Variants in ADAP2 observed in about 807,000 individuals in gnomAD.
ADAP2 encodes arf-GAP with dual PH domain-containing protein 2.
In ADAP2, 42 loss-of-function variants were observed where a neutral mutation model predicts 54.9. The observed-to-expected ratio is 0.77, with a 90% CI of 0.60 to 0.99. The LOEUF (loss-of-function observed/expected upper bound fraction) is 0.99, where lower values mean the gene tolerates loss of function less well. Ranked by LOEUF, ADAP2 falls within the 50% of genes least tolerant of loss-of-function variation. The pLI is 0.00. For synonymous variants in ADAP2, 177 were observed against 180.1 expected (o/e 0.98, Z 0.14); for missense variants, 429 against 480.4 (o/e 0.89, Z 1.00).
chr17:30,925,422 C>T (rs1165393501), intron 2 of ADAP2, among the ~76,000 whole-genome samples: 2 of 151,830 alleles, frequency 1.3e-5, no homozygotes, highest in African/African-American at 4.8e-5. Flanking sequence ...AACACCTGAC[C>T]TGAGGTGATC....
Position 30,953,477 on chromosome 17 carries a change from C to T in ADAP2, c.804+127C>T, listed in dbSNP as rs913517574. 82 of 852,840 alleles carry T rather than the reference C, an allele frequency of 9.6e-5. No individual in the cohort carries two copies. The East Asian group carries it at 1.9e-3, about 20-fold the overall frequency. 52.8% of individuals were successfully genotyped at this position (852,840 alleles called of 1,614,324 possible). ...GGCCAAGCTTGTCCAACCCACAGCC[C>T]ATGGGCCACATGCAACCCAGGACGG... On this transcript the variant is annotated intron_variant, in intron 8 of 10. Transcript: ENST00000330889.
At chr17:30,951,783 G>A (rs1286770513) in intron 7 of ADAP2, among the ~76,000 whole-genome samples, 2 of 151,338 alleles carry the variant, frequency 1.3e-5, no homozygotes, top group Non-Finnish European at 2.9e-5. Context: ...AGCCTCCCGA[G>A]TAGCTGGGAC....
At position 30,923,048 on chromosome 17, in the gene ADAP2, T is replaced by A. The variant is rs746751935; in HGVS notation, c.203T>A (p.Phe68Tyr). Residue 68 changes from phenylalanine (F) to tyrosine (Y), a missense_variant, in exon 2 of 11, where the codon TTC becomes TAC. By Grantham distance (22) the Phe-to-Tyr change is conservative. Transcript: ENST00000330889. ...AGAGTTAAATCTGTGCGACTTGACT[T>A]CTGGGACGACAGTATTGTGGAGGTA... is the stretch of plus-strand genomic sequence containing the variant. The part of the protein sequence containing the change: ...ISRVKSVRLD[F>Y]WDDSIVEFMI... 1.2e-6 allele frequency: 2 copies of A among 1,613,902 alleles called. No homozygotes were observed. Among genetic ancestry groups the A allele is most frequent in the Non-Finnish European group, 8.5e-7 (1 of 1,179,964 alleles).
chr17:30,953,213 T>A lies in ADAP2; in HGVS notation c.742-75T>A, dbSNP rs1904806619. ...TTCCCCATTTCAAACTTCCCCTTTG[T>A]CGGGAGCCAAGCTCGGCGGGAACCT... On this transcript the variant is annotated intron_variant, in intron 7 of 10. Transcript: ENST00000330889. The A allele has an allele frequency of 7.7e-6, 11 of 1,432,448 alleles. No homozygotes were observed. In the South Asian group the frequency reaches 1.3e-4, roughly 16 times the overall value. The allele number at this position is 1,432,448 out of a possible 1,614,324, so 88.7% of individuals were successfully genotyped here.
chr17:30,951,654 C>CTTTTTTT (rs1053982493), intron 7 of ADAP2, among the ~76,000 whole-genome samples: 4 of 121,024 alleles, frequency 3.3e-5, no homozygotes, highest in Non-Finnish European at 6.9e-5. Flanking sequence ...CTTTTCTTTT[C>CTTTTTTT]TTTTTTTTTT....
intron 1 of ADAP2, 93 bp from the exon 2 acceptor site, chr17:30,922,847 A>G (rs1910739799): frequency 7.1e-7 from 1 of 1,411,100 alleles, no homozygotes; most frequent in African/African-American, 1.4e-5. Context: ...AGGTGGGAGA[A>G]GGGGCGCCCC....
intron 3 of ADAP2, among the ~76,000 whole-genome samples, chr17:30,930,966 T>A (rs1429644105): frequency 6.6e-6 from 1 of 152,040 alleles, no homozygotes; most frequent in Admixed American, 6.6e-5. Context: ...ACAATAGAGG[T>A]CTATTCCCCA....
At position 30,927,024 on chromosome 17, in the gene ADAP2, C is replaced by T. The variant is rs200829677; in HGVS notation, c.317+106C>T. 2.8e-5 allele frequency: 24 copies of T among 851,306 alleles called. No individual in the cohort carries two copies. In the East Asian group the frequency reaches 6.1e-4, roughly 22 times the overall value. The allele number at this position is 851,306 out of a possible 1,614,324, so 52.7% of individuals were successfully genotyped here. A position where few individuals can be genotyped will look rare whatever the true frequency, so the allele number is the denominator to read the frequency against. On this transcript the variant is annotated intron_variant, in intron 3 of 10. Transcript: ENST00000330889. Reference sequence around the variant, plus strand: ...CATCTGTGGTGGTCTCTTCTATGGGCCTGGTGCGCAGGTGGATCCAGGAAA... The same window carrying T: ...CATCTGTGGTGGTCTCTTCTATGGGTCTGGTGCGCAGGTGGATCCAGGAAA...
intron 6 of ADAP2, among the ~76,000 whole-genome samples, chr17:30,948,861 A>G (rs1904367149): frequency 6.6e-6 from 1 of 152,204 alleles, no homozygotes; most frequent in Admixed American, 6.5e-5. Flanking sequence ...TGCTCCTTAG[A>G]GTGCATTCCA....
At position 30,922,977 on chromosome 17, in the gene ADAP2, C is replaced by T. The variant is rs754397315; in HGVS notation, c.132C>T (p.Ile44=). The T allele has an allele frequency of 5.5e-5, 89 of 1,613,976 alleles. No homozygotes were observed. Among genetic ancestry groups the T allele is most frequent in the Non-Finnish European group, 7.5e-5 (88 of 1,180,002 alleles). Reference sequence around the variant, plus strand: ...CCTCTTACAAGCTGGGGATCTTCATCTGTCTCAACTGCTGCGGCGTCCACC... The same window carrying T: ...CCTCTTACAAGCTGGGGATCTTCATTTGTCTCAACTGCTGCGGCGTCCACC... The part of the protein sequence containing the change: ...DWASYKLGIF[I]CLNCCGVHRN... Residue 44 remains isoleucine, a synonymous_variant, in exon 2 of 11, where the codon ATC becomes ATT. Coordinates refer to ENST00000330889, the MANE Select transcript of ADAP2 (RefSeq NM_018404.3).
chr17:30,953,778 C>T (rs989434150), intron 8 of ADAP2, among the ~76,000 whole-genome samples: 2 of 152,148 alleles, frequency 1.3e-5, no homozygotes, highest in Non-Finnish European at 2.9e-5. Context: ...CTCAAGCGAT[C>T]TGCCCACCTC....
intron 10 of ADAP2, among the ~76,000 whole-genome samples, chr17:30,957,365 G>A (rs955698701): frequency 1.3e-5 from 2 of 150,724 alleles, no homozygotes; most frequent in South Asian, 4.2e-4. Context: ...TCCCTCTGAC[G>A]CCCTGGCTCT....
chr17:30,928,894 G>T (rs1019594396), intron 3 of ADAP2, among the ~76,000 whole-genome samples: 2 of 152,198 alleles, frequency 1.3e-5, no homozygotes, highest in African/African-American at 4.8e-5. Flanking sequence ...TAAATGGGGA[G>T]AAGGAATCCC....
chr17:30,932,013 C>T, intron 4 of ADAP2, 45 bp downstream of exon 4: 2 of 1,573,974 alleles, frequency 1.3e-6, no homozygotes. Flanking sequence ...TTTTAATGAG[C>T]TCTAGAAAAA....
intron 6 of ADAP2, among the ~76,000 whole-genome samples, chr17:30,946,810 A>C (rs1345700633): frequency 6.6e-6 from 1 of 152,164 alleles, no homozygotes; most frequent in Non-Finnish European, 1.5e-5. Context: ...CCCTGCACCC[A>C]CTTTACCTGC....
chr17:30,932,358 A>G (rs1911557501), intron 4 of ADAP2, among the ~76,000 whole-genome samples: 1 of 150,010 alleles, frequency 6.7e-6, no homozygotes, highest in Non-Finnish European at 1.5e-5. Context: ...TCAGCCTCCC[A>G]ACTAGCTGGG....
At chr17:30,950,375 C>CTCTATTG (rs1238801595) in intron 7 of ADAP2, among the ~76,000 whole-genome samples, 1 of 152,154 alleles carries the variant, frequency 6.6e-6, no homozygotes, top group Non-Finnish European at 1.5e-5. Flanking sequence ...AGCCAGGAAG[C>CTCTATTG]CTGGGCTCTC....
At chr17:30,930,219 G>T (rs1443434742) in intron 3 of ADAP2, among the ~76,000 whole-genome samples, 2 of 151,678 alleles carry the variant, frequency 1.3e-5, no homozygotes, top group South Asian at 2.1e-4. Context: ...TTACAGGCAC[G>T]TGCCACCATG....
chr17:30,946,907 A>G (rs1362261292), intron 6 of ADAP2, among the ~76,000 whole-genome samples: 1 of 152,110 alleles, frequency 6.6e-6, no homozygotes, highest in Non-Finnish European at 1.5e-5. Context: ...GGCCCCTAGC[A>G]CCATGGCCCT....
Sources: allele counts gnomAD v4.1 joint callset (sites outside exome capture counted in the v4.1 genomes callset), GRCh38; gene constraint gnomAD v4.1.1; transcripts MANE v1.5; gene names NCBI Gene and HGNC (gene_info 2026-07-23, HGNC 2026-07-21).